DLC1: variants seen among roughly 807,000 people sequenced by gnomAD.
DLC1 encodes the protein DLC1 Rho GTPase activating protein, also known as rho GTPase-activating protein 7.
Under a neutral mutation model 140.3 loss-of-function variants are expected in DLC1, and 54 were observed. That is an observed-to-expected ratio of 0.38 (90% confidence interval 0.31 to 0.48). The LOEUF (loss-of-function observed/expected upper bound fraction) is 0.48. Ranked by LOEUF, DLC1 falls within the 20% of genes least tolerant of loss-of-function variation. The probability of loss-of-function intolerance (pLI) is 0.96; values close to 1 mark genes in which losing one functional copy is unlikely to be tolerated. For synonymous variants in DLC1, 986 were observed against 728.1 expected (o/e 1.35, Z -5.70); for missense variants, 2,536 against 1,907.0 (o/e 1.33, Z -6.14).
intron 5 of DLC1, among the ~76,000 whole-genome samples, chr8:13,304,300 G>T (rs1459027839): frequency 6.6e-6 from 1 of 152,110 alleles, no homozygotes; most frequent in Non-Finnish European, 1.5e-5. Flanking sequence ...TATGATGCCA[G>T]TTCAATATTT....
At chr8:13,182,744 T>A (rs2116983855) in intron 5 of DLC1, among the ~76,000 whole-genome samples, 1 of 152,322 alleles carries the variant, frequency 6.6e-6, no homozygotes, top group South Asian at 2.1e-4. Context: ...TAGTTTGAAG[T>A]CAGGCAGCGT....
At chr8:13,187,827 CT>C in intron 5 of DLC1, among the ~76,000 whole-genome samples, 1 of 152,316 alleles carries the variant, frequency 6.6e-6, no homozygotes, top group East Asian at 1.9e-4. Flanking sequence ...TTCCCTGTGA[CT>C]GCTCCCCAGG....
At chr8:13,603,664 C>A (rs548164550) in intron 1 of DLC1, among the ~76,000 whole-genome samples, 1 of 152,112 alleles carries the variant, frequency 6.6e-6, no homozygotes, top group Non-Finnish European at 1.5e-5. Context: ...CTGTTAGGAA[C>A]CAACTAACTG....
chr8:13,390,847 G>C lies in DLC1; in HGVS notation c.1314+2706C>G, dbSNP rs139224038. On this transcript the variant is annotated intron_variant, in intron 4 of 17. Coordinates refer to ENST00000276297, the MANE Select transcript of DLC1 (RefSeq NM_182643.3). ...CTAAAAATACAAAAAAATTAGCCAG[G>C]CGTGGTGGAGGGCACCTGTAGTCCC... Among the ~76,000 whole-genome samples, 1,257 of 152,198 alleles carry C rather than the reference G, an allele frequency of 8.3e-3. 12 individuals carry two copies. The highest frequency in any genetic ancestry group is 0.012 in the Non-Finnish European group (809 of 68,008).
At chr8:13,585,672 C>A (rs1385677276) in intron 1 of DLC1, among the ~76,000 whole-genome samples, 4 of 152,122 alleles carry the variant, frequency 2.6e-5, no homozygotes, top group African/African-American at 7.2e-5. Context: ...CTGTTCCATG[C>A]CTCTCTTCTA....
intron 5 of DLC1, among the ~76,000 whole-genome samples, chr8:13,273,438 G>T (rs543425546): frequency 5.3e-5 from 8 of 152,180 alleles, no homozygotes; most frequent in Non-Finnish European, 1.2e-4. Context: ...AGAAACTCCT[G>T]TGGGATGTAA....
chr8:13,477,889 T>C (rs1800508878), intron 2 of DLC1, among the ~76,000 whole-genome samples: 1 of 152,006 alleles, frequency 6.6e-6, no homozygotes, highest in Non-Finnish European at 1.5e-5. Flanking sequence ...AACAGACTGC[T>C]ACACAAAAAG....
At chr8:13,225,175 G>A (rs1828734801) in intron 5 of DLC1, among the ~76,000 whole-genome samples, 1 of 151,942 alleles carries the variant, frequency 6.6e-6, no homozygotes, top group African/African-American at 2.4e-5. Context: ...AAGTGGGTGT[G>A]CTGCCTTTTA....
intron 2 of DLC1, among the ~76,000 whole-genome samples, chr8:13,423,793 A>T (rs1221232801): frequency 6.6e-6 from 1 of 152,212 alleles, no homozygotes; most frequent in Non-Finnish European, 1.5e-5. Flanking sequence ...TAGTAATAAA[A>T]TAATTCAAAA....
At chr8:13,114,272 G>A (rs769485442) in intron 6 of DLC1, among the ~76,000 whole-genome samples, 7 of 152,216 alleles carry the variant, frequency 4.6e-5, no homozygotes, top group Non-Finnish European at 7.3e-5. Flanking sequence ...TGAGGCAGGT[G>A]AATCGCTTGA....
At chr8:13,287,724 T>C (rs189545608) in intron 5 of DLC1, among the ~76,000 whole-genome samples, 2 of 152,298 alleles carry the variant, frequency 1.3e-5, no homozygotes, top group Admixed American at 6.5e-5. Flanking sequence ...GTGGTTCACA[T>C]CTGGCACCAA....
At chr8:13,493,784 C>G (rs1055159242) in intron 2 of DLC1, among the ~76,000 whole-genome samples, 1 of 152,146 alleles carries the variant, frequency 6.6e-6, no homozygotes, top group Non-Finnish European at 1.5e-5. Context: ...GCACAATTTA[C>G]TATCTTCTTT....
intron 2 of DLC1, among the ~76,000 whole-genome samples, chr8:13,450,216 G>T (rs545282869): frequency 3.0e-4 from 45 of 151,896 alleles, no homozygotes; most frequent in African/African-American, 1.0e-3. Flanking sequence ...GCACTTTGGG[G>T]GGCTGAGGCA....
At position 13,100,276 on chromosome 8, in the gene DLC1, G is replaced by A. The variant is rs1818935506; in HGVS notation, c.2061C>T (p.Pro687=). The A allele has an allele frequency of 1.9e-6, 3 of 1,613,982 alleles. No individual in the cohort carries two copies. The highest frequency in any genetic ancestry group is 2.5e-6 in the Non-Finnish European group (3 of 1,180,048). Residue 687 remains proline, a synonymous_variant, in exon 9 of 18, where the codon CCC becomes CCT. Coordinates refer to ENST00000276297, the MANE Select transcript of DLC1 (RefSeq NM_182643.3). ...KSSHHSKHKA[P]SKLGLIISGP... ...CGCTGATGATCAACCCCAGCTTTGAGGGCGCTTTGTGCTTGCTGTGATGGG... is the reference window on the plus strand; with the variant it reads ...CGCTGATGATCAACCCCAGCTTTGAAGGCGCTTTGTGCTTGCTGTGATGGG...
Position 13,099,820 on chromosome 8 carries a change from C to T in DLC1, c.2517G>A (p.Arg839=), listed in dbSNP as rs753344042. ...GGCCAGGGCCGTGGAAGCTTCCCGT[C>T]CTCCAGTTCACAGAGCCGTTATTCC... The part of the protein sequence containing the change: ...PSGNNGSVNW[R]TGSFHGPGHI... The change falls in exon 9 of 18, where the codon AGG becomes AGA. Residue 839 remains arginine, a synonymous_variant. Transcript: ENST00000276297. 5.0e-6 allele frequency: 8 copies of T among 1,614,088 alleles called. No individual in the cohort carries two copies. The African/African-American group carries it at 9.3e-5, about 19-fold the overall frequency.
chr8:13,283,410 T>C (rs913093069), intron 5 of DLC1, among the ~76,000 whole-genome samples: 1 of 152,034 alleles, frequency 6.6e-6, no homozygotes, highest in Non-Finnish European at 1.5e-5. Flanking sequence ...TTTAAAAAAA[T>C]AGATAAGCGT....
intron 2 of DLC1, among the ~76,000 whole-genome samples, chr8:13,461,290 C>G (rs1308704097): frequency 6.6e-6 from 1 of 152,222 alleles, no homozygotes; most frequent in Non-Finnish European, 1.5e-5. Flanking sequence ...GTATCCCATA[C>G]CAATGTGTCT....
chr8:13,456,245 C>T (rs1460962796), intron 2 of DLC1, among the ~76,000 whole-genome samples: 2 of 152,136 alleles, frequency 1.3e-5, no homozygotes, highest in Non-Finnish European at 2.9e-5. Flanking sequence ...TGTATGATTT[C>T]TCTGTATTCT....
chr8:13,127,737 T>C (rs891641031), intron 5 of DLC1, among the ~76,000 whole-genome samples: 1 of 152,202 alleles, frequency 6.6e-6, no homozygotes, highest in Non-Finnish European at 1.5e-5. Flanking sequence ...TGTGGAAAAC[T>C]TTTGTCCCTT....
Sources: gnomAD v4.1 joint callset for allele counts (sites outside exome capture counted in the v4.1 genomes callset) on GRCh38, gnomAD v4.1.1 for gene constraint, MANE v1.5 for transcripts, NCBI Gene and HGNC (gene_info 2026-07-23, HGNC 2026-07-21) for gene names.